CHST9: variants seen among roughly 807,000 people sequenced by gnomAD.
CHST9 encodes GalNAc-4-sulfotransferase 2.
Under a neutral mutation model 44.4 loss-of-function variants are expected in CHST9, and 41 were observed. The ratio of observed to expected loss-of-function variants is 0.92; its 90% confidence interval spans 0.72 to 1.20. The LOEUF is 1.20. Among genes scored for constraint, CHST9 ranks in the 50% most tolerant of loss-of-function variants. The pLI is 0.00. For synonymous variants in CHST9, 171 were observed against 178.4 expected (o/e 0.96, Z 0.33); for missense variants, 504 against 516.5 (o/e 0.98, Z 0.23).
At chr18:27,179,409 G>C (rs1373209222) in intron 1 of CHST9, among the ~76,000 whole-genome samples, 2 of 73,710 alleles carry the variant, frequency 2.7e-5, no homozygotes, top group African/African-American at 5.5e-5. Context: ...AGTAAAGATA[G>C]ATAGGTAGGG....
At chr18:26,933,528 T>C (rs1182765308) in intron 5 of CHST9, 1 of 153,546 alleles carries the variant, frequency 6.5e-6, no homozygotes, top group Non-Finnish European at 1.5e-5. Context: ...TTCCTATATT[T>C]AGACACCAAA....
At chr18:27,099,921 T>C (rs1006105721) in intron 2 of CHST9, among the ~76,000 whole-genome samples, 3 of 152,136 alleles carry the variant, frequency 2.0e-5, no homozygotes, top group Admixed American at 2.0e-4. Context: ...GATACATGCA[T>C]GTGTATGCTC....
intron 5 of CHST9, among the ~76,000 whole-genome samples, chr18:26,925,558 G>A (rs1292198479): frequency 6.6e-6 from 1 of 152,228 alleles, no homozygotes; most frequent in Non-Finnish European, 1.5e-5. Context: ...AAAGCACCAG[G>A]CATATGCCTG....
intron 4 of CHST9, among the ~76,000 whole-genome samples, chr18:26,957,422 T>A (rs2056340167): frequency 6.6e-6 from 1 of 152,186 alleles, no homozygotes; most frequent in African/African-American, 2.4e-5. Context: ...GCTATCTCAG[T>A]ACGTTTGTCC....
intron 2 of CHST9, among the ~76,000 whole-genome samples, chr18:27,108,239 C>T (rs977108163): frequency 2.0e-5 from 3 of 152,084 alleles, no homozygotes; most frequent in Non-Finnish European, 4.4e-5. Context: ...GATCTATTTC[C>T]AAATACATGT....
intron 1 of CHST9, among the ~76,000 whole-genome samples, chr18:27,152,735 T>C (rs994241741): frequency 2.6e-5 from 4 of 152,026 alleles, no homozygotes; most frequent in African/African-American, 9.7e-5. Flanking sequence ...CCAATGTAGA[T>C]AGAGATAGAA....
chr18:27,024,789 T>C (rs1017145499), intron 3 of CHST9, among the ~76,000 whole-genome samples: 13 of 152,300 alleles, frequency 8.5e-5, no homozygotes, highest in East Asian at 5.8e-4. Flanking sequence ...GTTTATTCTG[T>C]AGTAAACAGC....
At chr18:27,044,008 G>A (rs1480131775) in intron 3 of CHST9, among the ~76,000 whole-genome samples, 1 of 151,874 alleles carries the variant, frequency 6.6e-6, no homozygotes, top group African/African-American at 2.4e-5. Context: ...ACTATTAGGT[G>A]TTTCAGATTT....
At chr18:27,155,088 A>G (rs1048096546) in intron 1 of CHST9, among the ~76,000 whole-genome samples, 3 of 31,134 alleles carry the variant, frequency 9.6e-5, no homozygotes, top group African/African-American at 2.9e-4. Context: ...TCAAAAGTTA[A>G]AAAAAAAAAA....
chr18:26,968,064 A>G (rs893360803), intron 4 of CHST9, among the ~76,000 whole-genome samples: 1 of 152,042 alleles, frequency 6.6e-6, no homozygotes, highest in African/African-American at 2.4e-5. Context: ...AGCTTTGGGG[A>G]CTTTGGATCT....
intron 3 of CHST9, among the ~76,000 whole-genome samples, chr18:27,039,359 A>C (rs573740047): frequency 6.6e-6 from 1 of 152,306 alleles, no homozygotes; most frequent in African/African-American, 2.4e-5. Context: ...TCTGGCACAT[A>C]CTACAACATG....
chr18:27,158,108 GTTT>G (rs768828252), intron 1 of CHST9, among the ~76,000 whole-genome samples: 1 of 151,646 alleles, frequency 6.6e-6, no homozygotes, highest in Admixed American at 6.6e-5. Context: ...TTGTTTTTTT[GTTT>G]TTTTAATTAT....
intron 5 of CHST9, chr18:26,936,470 T>G (rs2055994504): frequency 6.6e-6 from 1 of 152,142 alleles, no homozygotes; most frequent in African/African-American, 2.4e-5. Context: ...ACAAGTGGGC[T>G]CTGTGGCTCA....
intron 2 of CHST9, among the ~76,000 whole-genome samples, chr18:27,094,365 G>A (rs2058096820): frequency 6.6e-6 from 1 of 152,082 alleles, no homozygotes; most frequent in African/African-American, 2.4e-5. Context: ...ATACAAAATA[G>A]CAACCTCTCT....
chr18:26,944,329 C>T lies in CHST9; in HGVS notation c.240G>A (p.Gln80=). The change falls in exon 5 of 6, where the codon CAG becomes CAA. Residue 80 remains glutamine (Q), a splice_region_variant and synonymous_variant. Transcript: ENST00000618847. ...GAGTTTACGAGAAATGAGAGAATACCTGGTTGGTGATATGTTCCTGGATTT... is the reference window on the plus strand; with the variant it reads ...GAGTTTACGAGAAATGAGAGAATACTTGGTTGGTGATATGTTCCTGGATTT... The part of the protein sequence containing the change: ...TEKIQEHITN[Q]NPKFHMPEDV... 1.9e-6 allele frequency: 3 copies of T among 1,607,200 alleles called. No homozygotes were observed. Among genetic ancestry groups the T allele is most frequent in the Non-Finnish European group, 2.6e-6 (3 of 1,174,398 alleles).
intron 1 of CHST9, among the ~76,000 whole-genome samples, chr18:27,143,657 G>T (rs1335658371): frequency 6.6e-6 from 1 of 151,756 alleles, no homozygotes; most frequent in Non-Finnish European, 1.5e-5. Flanking sequence ...CCTCTCTTTA[G>T]AAAAGATTTA....
chr18:26,907,374 G>C lies in CHST9; in HGVS notation c.*8885C>G, dbSNP rs2055384217. The C allele has an allele frequency of 6.6e-6, 1 of 152,348 alleles. No individual in the cohort carries two copies. Among genetic ancestry groups the C allele is most frequent in the Non-Finnish European group, 1.5e-5 (1 of 68,062 alleles). The allele number at this position is 152,348 out of a possible 1,614,324, so 9.4% of individuals were successfully genotyped here. On this transcript the variant is annotated 3_prime_UTR_variant, in exon 6 of 6. Coordinates refer to ENST00000618847, the MANE Select transcript of CHST9 (RefSeq NM_031422.6). The stretch of plus-strand genomic sequence containing the variant: ...GGGTTAGGTGATGAGTTCAGCTTTG[G>C]TCATGTTGAGTTGGAAGCTCCAGTG...
chr18:26,935,884 G>A (rs1479332277), intron 5 of CHST9: 4 of 152,036 alleles, frequency 2.6e-5, no homozygotes, highest in Non-Finnish European at 5.9e-5. Context: ...TGTTTTCTGC[G>A]AAAAACAAGT....
intron 1 of CHST9, among the ~76,000 whole-genome samples, chr18:27,163,549 A>C (rs955044341): frequency 2.0e-5 from 3 of 152,270 alleles, no homozygotes; most frequent in Middle Eastern, 6.8e-3. Flanking sequence ...GCCGCCTTGC[A>C]GTTTCATCTC....
Sources: allele counts gnomAD v4.1 joint callset (sites outside exome capture counted in the v4.1 genomes callset), GRCh38; gene constraint gnomAD v4.1.1; transcripts MANE v1.5; gene names NCBI Gene and HGNC (gene_info 2026-07-23, HGNC 2026-07-21).